The following LRRC4C variants were observed in gnomAD, a reference collection of about 807,000 sequenced individuals.
The protein encoded by LRRC4C is leucine-rich repeat-containing protein 4C.
LRRC4C carries 5 observed loss-of-function variants against 33.6 expected under a neutral mutation model. The observed-to-expected ratio is 0.15, with a 90% CI of 0.08 to 0.31. The LOEUF (loss-of-function observed/expected upper bound fraction) is 0.31, where lower values mean the gene tolerates loss of function less well. Among genes scored for constraint, LRRC4C ranks in the 10% least tolerant of loss-of-function variants. LRRC4C has a pLI of 1.00. For synonymous variants in LRRC4C, 329 were observed against 302.0 expected (o/e 1.09, Z -0.93); for missense variants, 560 against 796.7 (o/e 0.70, Z 3.58).
At chr11:40,831,151 A>G (rs537222558) in intron 2 of LRRC4C, among the ~76,000 whole-genome samples, 14 of 152,292 alleles carry the variant, frequency 9.2e-5, no homozygotes, top group Non-Finnish European at 1.8e-4. Context: ...TTCATTTCAC[A>G]GAGATTCTTC....
At chr11:41,028,245 G>T (rs1285688735) in intron 1 of LRRC4C, among the ~76,000 whole-genome samples, 2 of 151,124 alleles carry the variant, frequency 1.3e-5, no homozygotes, top group Non-Finnish European at 3.0e-5. Flanking sequence ...AGCATATTCA[G>T]ATAAGCAAAT....
intron 3 of LRRC4C, among the ~76,000 whole-genome samples, chr11:40,356,553 A>C (rs929679956): frequency 6.6e-6 from 1 of 152,158 alleles, no homozygotes; most frequent in Non-Finnish European, 1.5e-5. Flanking sequence ...TCCTTATTAG[A>C]CAATAAGGGG....
At chr11:41,392,562 C>CA (rs146954125) in intron 1 of LRRC4C, among the ~76,000 whole-genome samples, 41,816 of 143,380 alleles carry the variant, frequency 0.29, 6,072 homozygotes, top group Admixed American at 0.38. Context: ...AACAAACAAA[C>CA]AAAAAAAAAA....
chr11:41,379,098 A>G (rs1953049315), intron 1 of LRRC4C, among the ~76,000 whole-genome samples: 1 of 150,810 alleles, frequency 6.6e-6, no homozygotes, highest in Admixed American at 6.6e-5. Context: ...CCAAAGGGGT[A>G]GGGCCCTGTA....
chr11:40,226,851 A>G (rs977514677), intron 5 of LRRC4C, among the ~76,000 whole-genome samples: 3 of 152,234 alleles, frequency 2.0e-5, no homozygotes, highest in Admixed American at 2.0e-4. Flanking sequence ...GCATTTCAAT[A>G]GTTATTTAAA....
At chr11:40,860,777 CTTTTTTTTTTTTTTTTTTTTTTTTTTTT>C (rs60307580) in intron 2 of LRRC4C, among the ~76,000 whole-genome samples, 2 of 43,226 alleles carry the variant, frequency 4.6e-5, no homozygotes, top group Admixed American at 4.0e-4. Flanking sequence ...GGCTTAGGAT[CTTTTTTTTTTTTTTTTTTTTTTTTTTTT>C]TTTTTTTTTT....
intron 4 of LRRC4C, among the ~76,000 whole-genome samples, chr11:40,318,763 G>C (rs1440646056): frequency 6.6e-6 from 1 of 152,050 alleles, no homozygotes; most frequent in Non-Finnish European, 1.5e-5. Context: ...CTCAAAAATT[G>C]AAAACTACTA....
chr11:41,099,051 G>T (rs1258671635), intron 1 of LRRC4C, among the ~76,000 whole-genome samples: 1 of 152,040 alleles, frequency 6.6e-6, no homozygotes, highest in Non-Finnish European at 1.5e-5. Context: ...AGACTGTGAT[G>T]AATACCTCTG....
chr11:40,633,379 C>T (rs200529562), intron 3 of LRRC4C, among the ~76,000 whole-genome samples: 1 of 63,988 alleles, frequency 1.6e-5, no homozygotes, highest in Non-Finnish European at 3.1e-5. Flanking sequence ...CTTTCTCTCT[C>T]TTTCTTTCTT....
chr11:41,058,797 G>T (rs1196143509), intron 1 of LRRC4C, among the ~76,000 whole-genome samples: 2 of 152,006 alleles, frequency 1.3e-5, no homozygotes, highest in Admixed American at 1.3e-4. Context: ...ACAAAGACAT[G>T]GAATCAACCT....
intron 1 of LRRC4C, among the ~76,000 whole-genome samples, chr11:41,328,851 A>G (rs1466098404): frequency 1.3e-5 from 2 of 152,138 alleles, no homozygotes; most frequent in Non-Finnish European, 2.9e-5. Context: ...AATCTTCTGA[A>G]TCATCTTGTG....
rs57988836 is a variant in LRRC4C at position 40,465,503 on chromosome 11, G to A, written c.-269-145782C>T. On this transcript the variant is annotated intron_variant, in intron 3 of 6. Coordinates refer to ENST00000528697, the MANE Select transcript of LRRC4C (RefSeq NM_001258419.2). Reference sequence around the variant, plus strand: ...CAGTGTAAAAGACATAATCAACAGAGTGAACAGGAGCCTACAGACTGGGAG... The same window carrying A: ...CAGTGTAAAAGACATAATCAACAGAATGAACAGGAGCCTACAGACTGGGAG... 5.3e-3 allele frequency among the ~76,000 whole-genome samples: 801 copies of A among 151,952 alleles called. 6 individuals are homozygous for A. Among genetic ancestry groups the A allele is most frequent in the African/African-American group, 0.018 (760 of 41,504 alleles).
At chr11:41,378,993 T>C (rs1281802574) in intron 1 of LRRC4C, among the ~76,000 whole-genome samples, 1 of 151,966 alleles carries the variant, frequency 6.6e-6, no homozygotes, top group Admixed American at 6.6e-5. Context: ...ATCTTTTCAG[T>C]ATATTCATTT....
chr11:41,232,019 C>T (rs1386409), intron 1 of LRRC4C, among the ~76,000 whole-genome samples: 27,535 of 151,562 alleles, frequency 0.18, 3,105 homozygotes, highest in East Asian at 0.43. Context: ...ACTTTGAACT[C>T]CAGCTCAATG....
chr11:40,439,016 C>T (rs1234911664), intron 3 of LRRC4C, among the ~76,000 whole-genome samples: 13 of 149,846 alleles, frequency 8.7e-5, no homozygotes, highest in African/African-American at 2.0e-4. Flanking sequence ...CTGCAACCTC[C>T]GCCTCCCGGG....
chr11:40,905,778 T>C (rs537342496), intron 2 of LRRC4C, among the ~76,000 whole-genome samples: 5 of 152,284 alleles, frequency 3.3e-5, no homozygotes, highest in African/African-American at 1.2e-4. Context: ...AGAAAAGTGG[T>C]TTCTTGAGAT....
At chr11:40,242,532 T>C (rs941477262) in intron 4 of LRRC4C, among the ~76,000 whole-genome samples, 2 of 152,216 alleles carry the variant, frequency 1.3e-5, no homozygotes, top group African/African-American at 4.8e-5. Context: ...GAGATGTAAA[T>C]GTAATAACAA....
intron 1 of LRRC4C, among the ~76,000 whole-genome samples, chr11:41,331,603 C>T (rs1460570511): frequency 1.3e-5 from 2 of 152,324 alleles, no homozygotes; most frequent in East Asian, 3.9e-4. Flanking sequence ...TTATATCCAA[C>T]TCAAGGCACT....
intron 3 of LRRC4C, among the ~76,000 whole-genome samples, chr11:40,444,332 T>A (rs959031151): frequency 2.7e-5 from 4 of 150,456 alleles, no homozygotes; most frequent in African/African-American, 9.7e-5. Flanking sequence ...TTTTAATTTA[T>A]TTTATTTATT....
Sources: gnomAD v4.1 joint callset for allele counts (sites outside exome capture counted in the v4.1 genomes callset) on GRCh38, gnomAD v4.1.1 for gene constraint, MANE v1.5 for transcripts, NCBI Gene and HGNC (gene_info 2026-07-23, HGNC 2026-07-21) for gene names.